Variants in RORA observed in about 807,000 individuals in gnomAD.
RORA encodes the protein nuclear receptor ROR-alpha.
In RORA, 7 loss-of-function variants were observed where a neutral mutation model predicts 69.5. The observed-to-expected ratio is 0.10, with a 90% CI of 0.06 to 0.19. The LOEUF is 0.19. RORA is among the 10% of genes least tolerant of loss of function. The pLI is 1.00. For synonymous variants in RORA, 261 were observed against 240.8 expected (o/e 1.08, Z -0.78); for missense variants, 457 against 663.0 (o/e 0.69, Z 3.41).
chr15:60,797,059 T>A (rs2072509298), intron 1 of RORA, among the ~76,000 whole-genome samples: 1 of 148,168 alleles, frequency 6.7e-6, no homozygotes, highest in African/African-American at 2.4e-5. Flanking sequence ...TCTATATATT[T>A]ATTAATTATA....
At chr15:61,173,130 T>C (rs1392274856) in intron 1 of RORA, among the ~76,000 whole-genome samples, 3 of 152,222 alleles carry the variant, frequency 2.0e-5, no homozygotes, top group Non-Finnish European at 4.4e-5. Flanking sequence ...CTAGGCACTG[T>C]ACGAGGATCC....
intron 1 of RORA, among the ~76,000 whole-genome samples, chr15:60,995,273 G>C (rs1484854098): frequency 3.3e-5 from 5 of 152,234 alleles, no homozygotes; most frequent in Admixed American, 6.5e-5. Context: ...GCCAATTTGA[G>C]CTGGTTGTTA....
At chr15:60,823,106 CTCTT>C (rs1341801069) in intron 1 of RORA, among the ~76,000 whole-genome samples, 1 of 16,180 alleles carries the variant, frequency 6.2e-5, no homozygotes, top group Non-Finnish European at 1.4e-4. Flanking sequence ...CTTCATTCTT[CTCTT>C]TCTCTCTCTC....
chr15:60,659,465 G>A (rs2070270886), intron 2 of RORA, among the ~76,000 whole-genome samples: 1 of 152,176 alleles, frequency 6.6e-6, no homozygotes, highest in Non-Finnish European at 1.5e-5. Flanking sequence ...TTTAAAACAA[G>A]AGCAGGTAAT....
Position 61,149,636 on chromosome 15 carries a change from T to C in RORA, c.166+79417A>G, listed in dbSNP as rs143613675. The stretch of plus-strand genomic sequence containing the variant: ...CCTGACCCCATGATGATTAGAACTG[T>C]TGAGATTCCATATGAACTCCAGCCA... On this transcript the variant is annotated intron_variant, in intron 1 of 10. Coordinates refer to ENST00000335670, the MANE Select transcript of RORA (RefSeq NM_134261.3). Among the ~76,000 whole-genome samples, 511 of 152,290 alleles carry C rather than the reference T, an allele frequency of 3.4e-3. 5 individuals are homozygous for C. The highest frequency in any genetic ancestry group is 0.012 in the African/African-American group (497 of 41,552).
chr15:60,932,215 G>T (rs1389118054), intron 1 of RORA, among the ~76,000 whole-genome samples: 1 of 152,126 alleles, frequency 6.6e-6, no homozygotes, highest in African/African-American at 2.4e-5. Flanking sequence ...ACCTGAGAAG[G>T]TGGGGTTGCT....
chr15:60,826,757 CTCTCTCTCCCTCT>C (rs1567204715), intron 1 of RORA, among the ~76,000 whole-genome samples: 3 of 86,766 alleles, frequency 3.5e-5, no homozygotes. Context: ...CTCTCTCTCT[CTCTCTCTCCCTCT>C]CTCTCTCTCT....
chr15:60,795,424 G>C (rs1595720496), intron 1 of RORA, among the ~76,000 whole-genome samples: 1 of 152,218 alleles, frequency 6.6e-6, no homozygotes, highest in East Asian at 1.9e-4. Flanking sequence ...GTGTTGGAAA[G>C]GGCAGCCAAA....
Position 61,120,427 on chromosome 15 carries a change from C to T in RORA, c.166+108626G>A, listed in dbSNP as rs185722587. On this transcript the variant is annotated intron_variant, in intron 1 of 10. Transcript: ENST00000335670. ...TTAAAAAAACATACCTGGCTGGGCACGGTGGCTCACGCCTGTAATCCCAGC... is the reference window on the plus strand; with the variant it reads ...TTAAAAAAACATACCTGGCTGGGCATGGTGGCTCACGCCTGTAATCCCAGC... Among the ~76,000 whole-genome samples, 14 of 152,152 alleles carry T rather than the reference C, an allele frequency of 9.2e-5. No homozygotes were observed. In the East Asian group the frequency reaches 1.4e-3, roughly 15 times the overall value.
At chr15:60,498,897 ACAAAAC>A (rs1428119654) in intron 10 of RORA, among the ~76,000 whole-genome samples, 1 of 152,036 alleles carries the variant, frequency 6.6e-6, no homozygotes, top group South Asian at 2.1e-4. Context: ...AAACAAGAAA[ACAAAAC>A]CAAAAACTTC....
In RORA at chr15:60,846,631, T is replaced by C. The variant is rs181142943; in HGVS notation, c.167-167945A>G. The stretch of plus-strand genomic sequence containing the variant: ...ACTCACACATTAGAGCTTTTGTCAC[T>C]ACATATCAAAAATGGTCAAGCTGCC... On this transcript the variant is annotated intron_variant, in intron 1 of 10. Transcript: ENST00000335670. Among the ~76,000 whole-genome samples the C allele has an allele frequency of 2.6e-5, 4 of 152,340 alleles. No homozygotes were observed. The East Asian group carries it at 7.7e-4, about 29-fold the overall frequency.
intron 1 of RORA, among the ~76,000 whole-genome samples, chr15:60,889,195 A>C (rs2073784823): frequency 6.6e-6 from 1 of 152,248 alleles, no homozygotes. Flanking sequence ...TCCTCGAGGC[A>C]GGAACTAGAT....
At chr15:61,063,019 T>C (rs547400288) in intron 1 of RORA, among the ~76,000 whole-genome samples, 1 of 152,292 alleles carries the variant, frequency 6.6e-6, no homozygotes, top group Non-Finnish European at 1.5e-5. Context: ...GATCACAATA[T>C]AAGGCATGAA....
chr15:60,973,899 T>A (rs1352453939), intron 1 of RORA, among the ~76,000 whole-genome samples: 1 of 152,224 alleles, frequency 6.6e-6, no homozygotes, highest in East Asian at 1.9e-4. Context: ...GGAAACCCTA[T>A]TAGCAATTAG....
intron 2 of RORA, among the ~76,000 whole-genome samples, chr15:60,653,407 AAGGGAAACCAC>A (rs1052626387): frequency 1.3e-5 from 2 of 151,992 alleles, no homozygotes; most frequent in African/African-American, 4.8e-5. Context: ...AGTGAATATC[AAGGGAAACCAC>A]AGAAGACAAA....
At chr15:60,655,223 T>C (rs994357797) in intron 2 of RORA, among the ~76,000 whole-genome samples, 4 of 152,138 alleles carry the variant, frequency 2.6e-5, no homozygotes, top group Non-Finnish European at 5.9e-5. Context: ...GTCGCCCTCA[T>C]GGAAACTTTT....
intron 1 of RORA, among the ~76,000 whole-genome samples, chr15:60,839,396 AAC>A (rs1413428585): frequency 6.6e-6 from 1 of 152,220 alleles, no homozygotes; most frequent in East Asian, 1.9e-4. Context: ...TAATTTATCA[AAC>A]CACACTAAAA....
intron 1 of RORA, among the ~76,000 whole-genome samples, chr15:60,798,608 C>A (rs375049091): frequency 2.0e-5 from 3 of 151,730 alleles, no homozygotes; most frequent in East Asian, 3.9e-4. Flanking sequence ...GCAGAAGTCA[C>A]CAAAAAAATG....
chr15:61,212,342 C>T (rs1162575287), intron 1 of RORA, among the ~76,000 whole-genome samples: 1 of 152,130 alleles, frequency 6.6e-6, no homozygotes, highest in Non-Finnish European at 1.5e-5. Context: ...GAAATGCAAC[C>T]CGAAACAGCA....
Sources: gnomAD v4.1 joint callset for allele counts (sites outside exome capture counted in the v4.1 genomes callset) on GRCh38, gnomAD v4.1.1 for gene constraint, MANE v1.5 for transcripts, NCBI Gene and HGNC (gene_info 2026-07-23, HGNC 2026-07-21) for gene names.